CNOT2: variants seen among roughly 807,000 people sequenced by gnomAD.
CNOT2 encodes CCR4-NOT transcription complex subunit 2.
A neutral mutation model predicts 72.1 loss-of-function variants in CNOT2; 7 were observed. The observed-to-expected ratio is 0.10, with a 90% CI of 0.06 to 0.18. The LOEUF (loss-of-function observed/expected upper bound fraction) is 0.18. Among genes scored for constraint, CNOT2 ranks in the 10% least tolerant of loss-of-function variants. The pLI is 1.00. For missense variants in CNOT2, 345 were observed against 660.3 expected, an observed-to-expected ratio of 0.52 and a Z score of 5.23; for synonymous variants, 196 against 225.6, an observed-to-expected ratio of 0.87 and a Z score of 1.17.
chr12:70,323,913 C>T (rs746414945), intron 4 of CNOT2: 1 of 151,736 alleles, frequency 6.6e-6, no homozygotes, highest in Non-Finnish European at 1.5e-5. Flanking sequence ...CACACGCACA[C>T]ACACACACAC....
At position 70,332,863 on chromosome 12, in the gene CNOT2, G is replaced by T. The variant is rs1310695219; in HGVS notation, c.649+17G>T. 2 of 1,574,496 alleles carry T rather than the reference G, an allele frequency of 1.3e-6. No individual in the cohort carries two copies. The highest frequency in any genetic ancestry group is 2.3e-5 in the East Asian group (1 of 43,624). On this transcript the variant is annotated intron_variant, in intron 7 of 15. Transcript: ENST00000229195. ...ATGGAACAGGTAAGCTTATTCTGGA[G>T]CTAGTACCCTACAAAAAGTATGATA...
chr12:70,328,850 C>A (rs1453476413), intron 4 of CNOT2, among the ~76,000 whole-genome samples: 2 of 151,250 alleles, frequency 1.3e-5, no homozygotes, highest in Non-Finnish European at 3.0e-5. Flanking sequence ...ATAGCTATAT[C>A]AGTTTGAGTT....
At chr12:70,329,753 A>G (rs1565818350) in intron 5 of CNOT2, 183 bp downstream of exon 5, 4 of 554,534 alleles carry the variant, frequency 7.2e-6, no homozygotes, top group South Asian at 2.4e-5. Flanking sequence ...AGTGGTTTTT[A>G]TACTGCAGCT....
intron 2 of CNOT2, among the ~76,000 whole-genome samples, chr12:70,289,416 CTA>C (rs1871471428): frequency 6.6e-6 from 1 of 151,876 alleles, no homozygotes; most frequent in African/African-American, 2.4e-5. Flanking sequence ...TGATTAAGGT[CTA>C]TGTCGGTATA....
chr12:70,265,695 T>A (rs1959007899), intron 1 of CNOT2, among the ~76,000 whole-genome samples: 1 of 152,140 alleles, frequency 6.6e-6, no homozygotes, highest in Non-Finnish European at 1.5e-5. Flanking sequence ...GTGCCCTTTT[T>A]CAAGGTTTTT....
chr12:70,253,886 T>C (rs1224323504), intron 1 of CNOT2, among the ~76,000 whole-genome samples: 2 of 152,138 alleles, frequency 1.3e-5, no homozygotes, highest in African/African-American at 2.4e-5. Flanking sequence ...TATACATACA[T>C]ACCTATGATA....
In CNOT2 at chr12:70,278,135, G is replaced by A; in HGVS notation, c.-92G>A. ...CTTTTGGATAATTCCACTCTAGAGGGAGACGTGGTGGGCGGTCCTTCCTGT... is the reference window on the plus strand; with the variant it reads ...CTTTTGGATAATTCCACTCTAGAGGAAGACGTGGTGGGCGGTCCTTCCTGT... On this transcript the variant is annotated 5_prime_UTR_variant, in exon 2 of 16. Coordinates refer to ENST00000229195, the MANE Select transcript of CNOT2 (RefSeq NM_014515.7). The A allele has an allele frequency of 2.4e-6, 2 of 842,382 alleles. No individual in the cohort carries two copies. The highest frequency in any genetic ancestry group is 4.0e-6 in the Non-Finnish European group (2 of 498,580). The allele number at this position is 842,382 out of a possible 1,614,324, so 52.2% of individuals were successfully genotyped here. A position where few individuals can be genotyped will look rare whatever the true frequency, so the allele number is the denominator to read the frequency against.
At chr12:70,314,023 T>A (rs183046709) in intron 3 of CNOT2, among the ~76,000 whole-genome samples, 234 of 152,202 alleles carry the variant, frequency 1.5e-3, no homozygotes, top group African/African-American at 5.6e-3. Flanking sequence ...TCCTTTGTTT[T>A]AAAAAAATGG....
chr12:70,290,183 G>C (rs147558107), intron 2 of CNOT2, among the ~76,000 whole-genome samples: 1 of 151,204 alleles, frequency 6.6e-6, no homozygotes, highest in African/African-American at 2.4e-5. Context: ...TCCCAGCCCT[G>C]TCTGGGCCCT....
intron 1 of CNOT2, among the ~76,000 whole-genome samples, chr12:70,273,947 T>G (rs933678434): frequency 2.6e-5 from 4 of 152,070 alleles, no homozygotes; most frequent in African/African-American, 7.2e-5. Flanking sequence ...GCAAATTCAT[T>G]TCAATAGATT....
chr12:70,319,385 C>A (rs1217357388), intron 4 of CNOT2, 21 bp downstream of exon 4: 19 of 1,603,112 alleles, frequency 1.2e-5, no homozygotes, highest in Non-Finnish European at 1.6e-5. Context: ...TGTATTTATT[C>A]TGGGATACTT....
chr12:70,261,778 G>C (rs1013210478), intron 1 of CNOT2, among the ~76,000 whole-genome samples: 1 of 151,686 alleles, frequency 6.6e-6, no homozygotes, highest in Non-Finnish European at 1.5e-5. Context: ...TGAAGAATTG[G>C]TATCAGTTTT....
chr12:70,293,440 T>G (rs1016591035), intron 2 of CNOT2, among the ~76,000 whole-genome samples: 1 of 152,226 alleles, frequency 6.6e-6, no homozygotes, highest in East Asian at 1.9e-4. Context: ...ATTACAGGCA[T>G]GAGCCACTGT....
intron 2 of CNOT2, among the ~76,000 whole-genome samples, chr12:70,282,406 G>A (rs1870028158): frequency 6.6e-6 from 1 of 152,140 alleles, no homozygotes. Context: ...CTGTAAAAAT[G>A]ATTGTATTGC....
chr12:70,275,754 T>C (rs1224589232), intron 1 of CNOT2, among the ~76,000 whole-genome samples: 1 of 152,162 alleles, frequency 6.6e-6, no homozygotes, highest in African/African-American at 2.4e-5. Context: ...GGGTGCATGC[T>C]GTCTCTCATA....
At chr12:70,269,097 A>G (rs1042375357) in intron 1 of CNOT2, among the ~76,000 whole-genome samples, 2 of 152,208 alleles carry the variant, frequency 1.3e-5, no homozygotes, top group East Asian at 3.9e-4. Flanking sequence ...TTGCTTTCTT[A>G]TAGCCAAGTC....
intron 1 of CNOT2, among the ~76,000 whole-genome samples, chr12:70,271,377 T>C (rs1170974984): frequency 1.6e-4 from 2 of 12,360 alleles, no homozygotes; most frequent in African/African-American, 3.3e-4. Context: ...CACATTTCCT[T>C]TTTTTTTTTT....
intron 2 of CNOT2, among the ~76,000 whole-genome samples, chr12:70,289,919 A>G (rs1359029759): frequency 6.6e-6 from 1 of 151,566 alleles, no homozygotes; most frequent in Non-Finnish European, 1.5e-5. Flanking sequence ...TGGAAACTTT[A>G]TCTTGTTGAG....
At chr12:70,305,565 A>C (rs1565792839) in intron 2 of CNOT2, among the ~76,000 whole-genome samples, 1 of 152,230 alleles carries the variant, frequency 6.6e-6, no homozygotes, top group Non-Finnish European at 1.5e-5. Flanking sequence ...TTAATTGTTG[A>C]AGATCACAAA....
Sources: gnomAD v4.1 joint callset for allele counts (sites outside exome capture counted in the v4.1 genomes callset) on GRCh38, gnomAD v4.1.1 for gene constraint, MANE v1.5 for transcripts, NCBI Gene and HGNC (gene_info 2026-07-23, HGNC 2026-07-21) for gene names.